The following ADCY3 variants were observed in gnomAD, a reference collection of about 807,000 sequenced individuals.
ADCY3 encodes adenylate cyclase 3.
Under a neutral mutation model 119.4 loss-of-function variants are expected in ADCY3, and 70 were observed. The observed-to-expected ratio is 0.59, with a 90% CI of 0.48 to 0.72. The LOEUF is 0.72. Among genes scored for constraint, ADCY3 ranks in the 30% least tolerant of loss-of-function variants. ADCY3 has a pLI of 0.00. For synonymous variants in ADCY3, 672 were observed against 621.4 expected (o/e 1.08, Z -1.21); for missense variants, 1,238 against 1,541.6 (o/e 0.80, Z 3.30).
At chr2:24,894,275 G>T (rs1445219482) in intron 2 of ADCY3, among the ~76,000 whole-genome samples, 1 of 152,170 alleles carries the variant, frequency 6.6e-6, no homozygotes, top group Admixed American at 6.5e-5. Flanking sequence ...TTGAGGCCAG[G>T]AGTTCAAGAC....
chr2:24,836,948 G>A lies in ADCY3; in HGVS notation c.1631C>T (p.Thr544Met), dbSNP rs200642280. 365 of 1,613,598 alleles carry A rather than the reference G, an allele frequency of 2.3e-4. No individual in the cohort carries two copies. Among genetic ancestry groups the A allele is most frequent in the Non-Finnish European group, 3.0e-4 (357 of 1,180,016 alleles). The change falls in exon 9 of 22, where the codon ACG becomes ATG. Residue 544 changes from threonine to methionine, a missense_variant. By Grantham distance (81) the Thr-to-Met change is moderately conservative. This residue lies in a region of ADCY3 where 499 missense variants were observed against 571.0 expected (regional missense o/e 0.87). Coordinates refer to ENST00000679454, the MANE Select transcript of ADCY3 (RefSeq NM_004036.5). ...ATCCTGCTCCTCGGGCTTCTCCGACGTGGACCCACTGCTGTGGGCACTCCC... is the reference window on the plus strand; with the variant it reads ...ATCCTGCTCCTCGGGCTTCTCCGACATGGACCCACTGCTGTGGGCACTCCC... ...PNGSAHSSGS[T>M]SEKPEEQDAQ... is the part of the protein sequence containing the mutation.
At chr2:24,831,868 G>T in intron 11 of ADCY3, 119 bp from the exon 12 acceptor site, 1 of 651,344 alleles carries the variant, frequency 1.5e-6, no homozygotes, top group Non-Finnish European at 2.6e-6. Context: ...ACAGGGGGCA[G>T]GGGACAGTGG....
intron 19 of ADCY3, 142 bp from the exon 20 acceptor site, chr2:24,821,782 G>A (rs771782940): frequency 1.6e-5 from 20 of 1,255,214 alleles, no homozygotes; most frequent in Admixed American, 4.7e-5. Context: ...CAAAGGAGTC[G>A]CAGCCACGCT....
chr2:24,875,260 G>A (rs1236346935), intron 2 of ADCY3, among the ~76,000 whole-genome samples: 1 of 152,200 alleles, frequency 6.6e-6, no homozygotes, highest in Non-Finnish European at 1.5e-5. Context: ...GGACCCCCTG[G>A]GGCGCTGCCC....
At chr2:24,833,026 G>A (rs929561132) in intron 11 of ADCY3, among the ~76,000 whole-genome samples, 9 of 152,136 alleles carry the variant, frequency 5.9e-5, no homozygotes, top group African/African-American at 2.2e-4. Context: ...AGCATCTATC[G>A]ACGGAATCCA....
Position 24,833,653 on chromosome 2 carries a change from G to C in ADCY3, c.1967+832C>G, listed in dbSNP as rs76679901. Among the ~76,000 whole-genome samples the C allele has an allele frequency of 5.5e-3, 841 of 152,318 alleles. 10 individuals are homozygous for C. Among genetic ancestry groups the C allele is most frequent in the African/African-American group, 0.019 (810 of 41,558 alleles). On this transcript the variant is annotated intron_variant, in intron 11 of 21. Transcript: ENST00000679454. ...ACGAGAGCAGGGGTTTCTGTGTGCC[G>C]CATCGCTGCCATAGCCCCAGCCCTT...
At chr2:24,900,580 C>T (rs970349356) in intron 2 of ADCY3, among the ~76,000 whole-genome samples, 4 of 151,832 alleles carry the variant, frequency 2.6e-5, no homozygotes, top group Non-Finnish European at 4.4e-5. Flanking sequence ...CTGAGCAATG[C>T]GCTTTAGTCT....
intron 2 of ADCY3, among the ~76,000 whole-genome samples, chr2:24,889,348 C>A (rs1364380033): frequency 6.6e-6 from 1 of 152,180 alleles, no homozygotes; most frequent in Non-Finnish European, 1.5e-5. Context: ...TGTTATTTTG[C>A]GCTTGTTTTG....
rs1172046384 is a variant in ADCY3, at chr2:24,919,282, G to C, written c.-197-98C>G. ...CCTCATAAAAGGATCTCTGCTGCAA[G>C]AGCCTCCCAACCCAGGGCCTTCCCT... is the stretch of plus-strand genomic sequence containing the variant. On this transcript the variant is annotated intron_variant, in intron 1 of 21. Coordinates refer to ENST00000679454, the MANE Select transcript of ADCY3 (RefSeq NM_004036.5). This position sits in a 1 kb window ranked among gnomAD's most constrained non-coding sequence, Gnocchi z 5.5. The C allele has an allele frequency of 1.1e-5, 4 of 362,362 alleles. No individual in the cohort carries two copies. The East Asian group carries it at 2.3e-4, about 21-fold the overall frequency. 22.4% of individuals were successfully genotyped at this position (362,362 alleles called of 1,614,324 possible).
intron 2 of ADCY3, among the ~76,000 whole-genome samples, chr2:24,883,494 C>T (rs1321111723): frequency 6.6e-6 from 1 of 152,206 alleles, no homozygotes; most frequent in East Asian, 1.9e-4. Flanking sequence ...GTTCTGAAAA[C>T]ACAGAGCTTT....
At chr2:24,820,509 T>C (rs904657938) in intron 21 of ADCY3, 25 of 1,410,888 alleles carry the variant, frequency 1.8e-5, no homozygotes, top group Non-Finnish European at 2.1e-5. Context: ...CATATGCATC[T>C]AGAACTTCAG....
chr2:24,824,035 C>CT (rs1292563987), intron 17 of ADCY3, among the ~76,000 whole-genome samples: 31 of 152,234 alleles, frequency 2.0e-4, no homozygotes, highest in African/African-American at 7.5e-4. Context: ...TCTAGTTCCT[C>CT]TAACAGCCCC....
chr2:24,861,651 G>A (rs1296172503), intron 3 of ADCY3, among the ~76,000 whole-genome samples: 1 of 152,180 alleles, frequency 6.6e-6, no homozygotes, highest in Non-Finnish European at 1.5e-5. Flanking sequence ...ACTCAGCTCC[G>A]AAGACCCGTC....
chr2:24,825,312 C>T (rs1406482476), intron 16 of ADCY3, among the ~76,000 whole-genome samples: 8 of 121,458 alleles, frequency 6.6e-5, no homozygotes, highest in Admixed American at 1.6e-4. Context: ...CTTTTTTGTC[C>T]GGTTGAGTGC....
chr2:24,842,732 C>T lies in ADCY3; in HGVS notation c.826-348G>A. On this transcript the variant is annotated intron_variant, in intron 3 of 21. Transcript: ENST00000679454. This position sits in a 1 kb window ranked among gnomAD's most constrained non-coding sequence, Gnocchi z 4.9. ...ACCGTGAGCCCTCCCGGCAGGAGCC[C>T]TGCGGGGTCACCTCAGCCACCCGCC... 1 of 301,104 alleles carries T rather than the reference C, an allele frequency of 3.3e-6. No homozygotes were observed. Among genetic ancestry groups the T allele is most frequent in the Non-Finnish European group, 6.5e-6 (1 of 153,888 alleles). The allele number at this position is 301,104 out of a possible 1,614,324, so 18.7% of individuals were successfully genotyped here. A position where few individuals can be genotyped will look rare whatever the true frequency, so the allele number is the denominator to read the frequency against.
intron 20 of ADCY3, 25 bp from the exon 21 acceptor site, chr2:24,820,873 C>T: frequency 6.2e-7 from 1 of 1,611,928 alleles, no homozygotes; most frequent in Non-Finnish European, 8.5e-7. Flanking sequence ...TAAAGTTCAG[C>T]ACAGCCACAG....
chr2:24,827,973 C>T lies in ADCY3; in HGVS notation c.2361G>A (p.Val787=). 1 of 1,614,238 alleles carries T rather than the reference C, an allele frequency of 6.2e-7. No individual in the cohort carries two copies. ...GCCAGGCATAGAGGTTGATGGTGGC[C>T]ACGGCGCCTGCGACGAGCAGCATGA... The part of the protein sequence containing the change: ...LTLMLLVAGA[V]ATINLYAWRP... The change falls in exon 14 of 22, where the codon GTG becomes GTA. Residue 787 remains valine (V), a synonymous_variant. Transcript: ENST00000679454.
intron 3 of ADCY3, among the ~76,000 whole-genome samples, chr2:24,847,729 G>A (rs1383665714): frequency 2.0e-5 from 3 of 152,252 alleles, no homozygotes; most frequent in African/African-American, 2.4e-5. Flanking sequence ...CTCTGGGTTT[G>A]CAGAAAAGAT....
At chr2:24,876,976 C>T (rs1428272897) in intron 2 of ADCY3, among the ~76,000 whole-genome samples, 1 of 152,172 alleles carries the variant, frequency 6.6e-6, no homozygotes, top group African/African-American at 2.4e-5. Context: ...TTCCCCACAC[C>T]CACCACTTTG....
Sources: allele counts gnomAD v4.1 joint callset (sites outside exome capture counted in the v4.1 genomes callset), GRCh38; gene constraint gnomAD v4.1.1; regional missense constraint gnomAD v4.1.1; non-coding constraint Gnocchi (gnomAD v3.1); transcripts MANE v1.5; gene names NCBI Gene and HGNC (gene_info 2026-07-23, HGNC 2026-07-21).